COG3: variants seen among roughly 807,000 people sequenced by gnomAD.
COG3 encodes the protein component of oligomeric golgi complex 3.
COG3 carries 32 observed loss-of-function variants against 114.1 expected under a neutral mutation model. The ratio of observed to expected loss-of-function variants is 0.28; its 90% CI spans 0.21 to 0.38. The LOEUF is 0.38. Ranked by LOEUF, COG3 falls within the 10% of genes least tolerant of loss-of-function variation. The probability of loss-of-function intolerance (pLI) is 1.00; values close to 1 mark genes in which losing one functional copy is unlikely to be tolerated. For missense variants in COG3, 813 were observed against 973.2 expected, an observed-to-expected ratio of 0.84 and a Z score of 2.19; for synonymous variants, 352 against 365.7, an observed-to-expected ratio of 0.96 and a Z score of 0.43.
At chr13:45,522,867 G>A (rs1872306289) in intron 19 of COG3, among the ~76,000 whole-genome samples, 1 of 152,178 alleles carries the variant, frequency 6.6e-6, no homozygotes, top group Admixed American at 6.5e-5. Flanking sequence ...AAACTCTTAA[G>A]TAGGACTTGG....
In COG3 at chr13:45,534,825, G is replaced by C; in HGVS notation, c.*94G>C. ...CAGGACACCGAGGAATCGTATGTGG[G>C]AACGTCCCCGAGAACCACACGAGCG... On this transcript the variant is annotated 3_prime_UTR_variant, in exon 23 of 23. Coordinates refer to ENST00000349995, the MANE Select transcript of COG3 (RefSeq NM_031431.4). 2 of 1,439,802 alleles carry C rather than the reference G, an allele frequency of 1.4e-6. No homozygotes were observed. The highest frequency in any genetic ancestry group is 1.5e-5 in the South Asian group (1 of 65,848). The allele number at this position is 1,439,802 out of a possible 1,614,324, so 89.2% of individuals were successfully genotyped here. A position where few individuals can be genotyped will look rare whatever the true frequency, so the allele number is the denominator to read the frequency against.
intron 8 of COG3, among the ~76,000 whole-genome samples, chr13:45,487,234 A>T (rs1282249877): frequency 1.3e-5 from 2 of 152,238 alleles, no homozygotes; most frequent in East Asian, 3.8e-4. Context: ...CTCACTGTAT[A>T]CAAAAATCAA....
At chr13:45,471,778 G>A (rs2137776288) in intron 1 of COG3, among the ~76,000 whole-genome samples, 1 of 151,966 alleles carries the variant, frequency 6.6e-6, no homozygotes, top group Middle Eastern at 3.4e-3. Flanking sequence ...TGTAGCCCAG[G>A]CTGGAGTGCA....
At chr13:45,510,476 G>C (rs995259239) in intron 15 of COG3, among the ~76,000 whole-genome samples, 3 of 152,060 alleles carry the variant, frequency 2.0e-5, no homozygotes, top group African/African-American at 7.2e-5. Context: ...TCCTCCCCAG[G>C]GTGTCCATTA....
At chr13:45,525,979 A>G (rs1872643240) in intron 20 of COG3, among the ~76,000 whole-genome samples, 1 of 148,414 alleles carries the variant, frequency 6.7e-6, no homozygotes, top group Admixed American at 6.8e-5. Context: ...ACTTTTTAAT[A>G]TGATTGGTTT....
chr13:45,512,332 A>G (rs900747565), intron 16 of COG3, among the ~76,000 whole-genome samples: 9 of 151,946 alleles, frequency 5.9e-5, no homozygotes, highest in South Asian at 4.2e-4. Flanking sequence ...ATGGCTTACA[A>G]TTTTGTTTGT....
intron 21 of COG3, 69 bp from the exon 22 acceptor site, chr13:45,530,613 A>G (rs974787323): frequency 1.1e-6 from 1 of 945,572 alleles, no homozygotes; most frequent in Middle Eastern, 2.1e-4. Context: ...TATCATTACA[A>G]TTTAACATTC....
intron 10 of COG3, among the ~76,000 whole-genome samples, 190 bp downstream of exon 10, chr13:45,491,728 AT>A (rs1306792663): frequency 1.3e-5 from 2 of 152,118 alleles, no homozygotes; most frequent in Non-Finnish European, 1.5e-5. Context: ...TTTTTTACTT[AT>A]TTTTTGAGAT....
intron 15 of COG3, 74 bp downstream of exon 15, chr13:45,509,890 ATAAAG>A (rs1870665292): frequency 7.2e-7 from 1 of 1,388,146 alleles, no homozygotes; most frequent in Non-Finnish European, 9.9e-7. Context: ...TAAGATCTTG[ATAAAG>A]TATTTTGTTG....
chr13:45,496,243 G>C lies in COG3; in HGVS notation c.1419G>C (p.Gln473His). Residue 473 changes from glutamine to histidine, a missense_variant, in exon 13 of 23, where the codon CAG becomes CAC. Physicochemically the swap from Gln to His is conservative, Grantham distance 24. Around this residue, in one of 2 missense-constraint regions of COG3, gnomAD observed 389 missense variants for 542.6 expected, o/e 0.72. Transcript: ENST00000349995. ...RLVYRTHIYIQTDITGYKPAP... is the reference protein window; with the variant it reads ...RLVYRTHIYIHTDITGYKPAP... The stretch of plus-strand genomic sequence containing the variant: ...TCTACCGAACCCACATCTATATTCA[G>C]ACGGACATCACGGGCTATAAACCAG... 5.6e-6 allele frequency: 9 copies of C among 1,612,764 alleles called. No individual in the cohort carries two copies. The highest frequency in any genetic ancestry group is 7.6e-6 in the Non-Finnish European group (9 of 1,179,296).
chr13:45,535,690 C>G lies in COG3; in HGVS notation c.*959C>G. 1.0e-6 allele frequency: 1 copy of G among 985,742 alleles called. No individual in the cohort carries two copies. The highest frequency in any genetic ancestry group is 1.2e-6 in the Non-Finnish European group (1 of 830,094). The allele number at this position is 985,742 out of a possible 1,614,324, so 61.1% of individuals were successfully genotyped here. ...TGTGCTGTGGACCAGCTGTGTGGAT[C>G]TCTAGCCCAGCTACAGCAGAATACA... On this transcript the variant is annotated 3_prime_UTR_variant, in exon 23 of 23. Transcript: ENST00000349995.
At chr13:45,496,028 A>G in intron 12 of COG3, 124 bp from the exon 13 acceptor site, 3 of 777,180 alleles carry the variant, frequency 3.9e-6, no homozygotes, top group Non-Finnish European at 5.9e-6. Flanking sequence ...AATAGAATAC[A>G]ATCACAGCCT....
intron 20 of COG3, among the ~76,000 whole-genome samples, chr13:45,529,536 C>T (rs966280010): frequency 4.6e-5 from 7 of 151,716 alleles, no homozygotes; most frequent in Non-Finnish European, 7.4e-5. Context: ...TATGAATGTC[C>T]TGAAGCATGC....
At chr13:45,465,373 C>A in intron 1 of COG3, 163 bp downstream of exon 1, 1 of 1,230,374 alleles carries the variant, frequency 8.1e-7, no homozygotes. Context: ...CCCAGGCTGT[C>A]AGGCTTCGCT....
At chr13:45,468,109 A>T (rs1249077193) in intron 1 of COG3, among the ~76,000 whole-genome samples, 3 of 152,182 alleles carry the variant, frequency 2.0e-5, no homozygotes, top group African/African-American at 7.2e-5. Context: ...CTTTCTGTTG[A>T]ATTTAGTAAT....
intron 13 of COG3, among the ~76,000 whole-genome samples, chr13:45,497,784 T>TCAACAACAACAA (rs1242517110): frequency 0.4 from 58,745 of 146,884 alleles, 11,953 homozygotes; most frequent in Admixed American, 0.47. Context: ...AGACCCTGTC[T>TCAACAACAACAA]CAACAACAAC....
At chr13:45,516,080 C>T in intron 16 of COG3, 63 bp from the exon 17 acceptor site, 1 of 1,225,570 alleles carries the variant, frequency 8.2e-7, no homozygotes, top group Non-Finnish European at 1.1e-6. Context: ...ATAATGTATG[C>T]TGTATATGCT....
chr13:45,513,878 A>T (rs1046195819), intron 16 of COG3, among the ~76,000 whole-genome samples: 7 of 152,078 alleles, frequency 4.6e-5, no homozygotes, highest in Non-Finnish European at 8.8e-5. Flanking sequence ...TTAAATTTTT[A>T]AAAATGAAAC....
At chr13:45,519,208 A>G in intron 19 of COG3, 114 bp downstream of exon 19, 1 of 1,151,826 alleles carries the variant, frequency 8.7e-7, no homozygotes, top group Non-Finnish European at 1.2e-6. Flanking sequence ...CCCAAGTCTT[A>G]ATGATTCTGT....
Sources: gnomAD v4.1 joint callset for allele counts (sites outside exome capture counted in the v4.1 genomes callset) on GRCh38, gnomAD v4.1.1 for gene constraint, gnomAD v4.1.1 regional missense constraint, MANE v1.5 for transcripts, NCBI Gene and HGNC (gene_info 2026-07-23, HGNC 2026-07-21) for gene names.